Variants in DLGAP1 observed in about 807,000 individuals in gnomAD.
DLGAP1 encodes the protein DLG associated protein 1, also known as disks large-associated protein 1.
In DLGAP1, 11 loss-of-function variants were observed where a neutral mutation model predicts 90.8. The observed-to-expected ratio is 0.12, with a 90% confidence interval of 0.08 to 0.20. The LOEUF (loss-of-function observed/expected upper bound fraction) is 0.20, where lower values mean the gene tolerates loss of function less well. Among genes scored for constraint, DLGAP1 ranks in the 10% least tolerant of loss-of-function variants. DLGAP1 has a pLI of 1.00. For synonymous variants in DLGAP1, 558 were observed against 540.7 expected (o/e 1.03, Z -0.44); for missense variants, 1,050 against 1,333.8 (o/e 0.79, Z 3.31).
chr18:4,339,749 C>G (rs1345528394), intron 1 of DLGAP1, among the ~76,000 whole-genome samples: 2 of 152,062 alleles, frequency 1.3e-5, no homozygotes, highest in East Asian at 3.9e-4. Flanking sequence ...TAATATTTAA[C>G]AAAAATACAG....
intron 1 of DLGAP1, among the ~76,000 whole-genome samples, chr18:4,403,732 G>A (rs1455114317): frequency 6.6e-6 from 1 of 151,994 alleles, no homozygotes; most frequent in Non-Finnish European, 1.5e-5. Context: ...CCCTTGGAAT[G>A]GAAATAGCTT....
At chr18:4,146,214 T>C (rs920978452) in intron 2 of DLGAP1, among the ~76,000 whole-genome samples, 2 of 152,194 alleles carry the variant, frequency 1.3e-5, no homozygotes, top group African/African-American at 2.4e-5. Flanking sequence ...GGATTTATTT[T>C]ATACACTACC....
At chr18:4,116,334 A>G (rs2076063314) in intron 2 of DLGAP1, among the ~76,000 whole-genome samples, 1 of 151,992 alleles carries the variant, frequency 6.6e-6, no homozygotes. Context: ...ATTTCTTTGT[A>G]TTTCTCCTAC....
chr18:3,529,455 A>T (rs1460496790), intron 10 of DLGAP1, among the ~76,000 whole-genome samples: 1 of 152,200 alleles, frequency 6.6e-6, no homozygotes, highest in African/African-American at 2.4e-5. Context: ...GGACTGAGGT[A>T]TTACTTATTG....
At chr18:3,582,274 A>G in intron 7 of DLGAP1, 26 bp from the exon 8 acceptor site, 2 of 1,591,962 alleles carry the variant, frequency 1.3e-6, no homozygotes, top group African/African-American at 1.4e-5. Flanking sequence ...AACAAAGACA[A>G]TGTGATTTCT....
intron 1 of DLGAP1, among the ~76,000 whole-genome samples, chr18:4,164,197 A>C (rs2076894898): frequency 6.6e-6 from 1 of 152,186 alleles, no homozygotes; most frequent in Non-Finnish European, 1.5e-5. Context: ...CAAGACCCAG[A>C]GTCCCTAATT....
At chr18:3,597,095 T>C (rs773442670) in intron 7 of DLGAP1, 1 of 520,080 alleles carries the variant, frequency 1.9e-6, no homozygotes, top group Non-Finnish European at 3.8e-6. Context: ...GTTACTCTTT[T>C]TTTTTTCACT....
chr18:4,141,012 T>C (rs550711171), intron 2 of DLGAP1, among the ~76,000 whole-genome samples: 60 of 152,122 alleles, frequency 3.9e-4, no homozygotes, highest in Non-Finnish European at 7.8e-4. Context: ...CTTGAGGTAG[T>C]CTTCTTTGGA....
intron 7 of DLGAP1, among the ~76,000 whole-genome samples, chr18:3,592,415 T>C (rs1401014767): frequency 6.6e-6 from 1 of 152,014 alleles, no homozygotes; most frequent in Non-Finnish European, 1.5e-5. Flanking sequence ...CCGGCAAAAA[T>C]GCGCAAACCC....
At chr18:3,648,668 T>A (rs973628078) in intron 7 of DLGAP1, among the ~76,000 whole-genome samples, 1 of 152,254 alleles carries the variant, frequency 6.6e-6, no homozygotes, top group Non-Finnish European at 1.5e-5. Flanking sequence ...AGAACTGCCT[T>A]CTTATGCAAT....
chr18:3,920,534 A>C (rs1217301629), intron 3 of DLGAP1, among the ~76,000 whole-genome samples: 1 of 152,118 alleles, frequency 6.6e-6, no homozygotes, highest in African/African-American at 2.4e-5. Flanking sequence ...GAGTATATTC[A>C]GTACGTCTAT....
chr18:4,207,528 G>C (rs1041455527), intron 1 of DLGAP1, among the ~76,000 whole-genome samples: 3 of 152,192 alleles, frequency 2.0e-5, no homozygotes, highest in East Asian at 1.9e-4. Context: ...AATCCCAAAG[G>C]CTTCAACGGA....
chr18:3,904,825 C>T (rs1273476113), intron 3 of DLGAP1, among the ~76,000 whole-genome samples: 1 of 152,192 alleles, frequency 6.6e-6, no homozygotes. Flanking sequence ...TCTTTCAAGA[C>T]TTACTTTGGA....
chr18:3,527,410 C>CTATTTTTTTTTTT (rs1555668846), intron 10 of DLGAP1, among the ~76,000 whole-genome samples: 1 of 100,684 alleles, frequency 9.9e-6, no homozygotes, highest in Non-Finnish European at 1.9e-5. Flanking sequence ...ATTTTCCAAA[C>CTATTTTTTTTTTT]TTTTTTTTTT....
chr18:3,580,781 T>C, intron 8 of DLGAP1: 1 of 1,606,076 alleles, frequency 6.2e-7, no homozygotes, highest in Non-Finnish European at 8.5e-7. Flanking sequence ...GCAGTGTGCA[T>C]GGTCAGGGGT....
rs530692977 is a variant in DLGAP1, at chr18:4,430,041, T to C, written c.-267+24965A>G. Among the ~76,000 whole-genome samples the C allele has an allele frequency of 5.3e-5, 8 of 152,232 alleles. No homozygotes were observed. The South Asian group carries it at 1.5e-3, about 28-fold the overall frequency. On this transcript the variant is annotated intron_variant, in intron 1 of 12. Transcript: ENST00000315677. ...ACTTTAGGAATAATGCATGTAATGGTAAAACGACACAGAAAAGTGAAAGAA... is the reference window on the plus strand; with the variant it reads ...ACTTTAGGAATAATGCATGTAATGGCAAAACGACACAGAAAAGTGAAAGAA...
intron 1 of DLGAP1, among the ~76,000 whole-genome samples, chr18:4,315,697 C>G (rs1206945115): frequency 1.3e-5 from 2 of 152,090 alleles, no homozygotes; most frequent in Non-Finnish European, 2.9e-5. Flanking sequence ...TAATTCAGCC[C>G]AGGTATCAGA....
At chr18:4,244,856 G>A (rs983133299) in intron 1 of DLGAP1, among the ~76,000 whole-genome samples, 16 of 152,254 alleles carry the variant, frequency 1.1e-4, no homozygotes, top group African/African-American at 3.1e-4. Context: ...CCAGTGTAAC[G>A]AAATGGTTCT....
Position 4,431,717 on chromosome 18 carries a change from C to T in DLGAP1, c.-267+23289G>A, listed in dbSNP as rs968043238. 5.6e-4 allele frequency among the ~76,000 whole-genome samples: 86 copies of T among 152,284 alleles called. 1 individual carries two copies. Among genetic ancestry groups the T allele is most frequent in the African/African-American group, 2.1e-3 (86 of 41,588 alleles). On this transcript the variant is annotated intron_variant, in intron 1 of 12. Coordinates refer to ENST00000315677, the MANE Select transcript of DLGAP1 (RefSeq NM_004746.4). ...TTAATGAGTACTTCTATTTTCTGTA[C>T]TTTTTCTGATTTTCACCTTTGAGAT...
Sources: gnomAD v4.1 joint callset for allele counts (sites outside exome capture counted in the v4.1 genomes callset) on GRCh38, gnomAD v4.1.1 for gene constraint, MANE v1.5 for transcripts, NCBI Gene and HGNC (gene_info 2026-07-23, HGNC 2026-07-21) for gene names.